PRELID2: variants seen among roughly 807,000 people sequenced by gnomAD.
PRELID2 encodes the protein PRELI domain containing 2, also known as PRELI domain-containing protein 2.
Under a neutral mutation model 28.4 loss-of-function variants are expected in PRELID2, and 25 were observed. That is an observed-to-expected ratio of 0.88 (90% CI 0.64 to 1.23). The LOEUF (loss-of-function observed/expected upper bound fraction) is 1.23. PRELID2 is among the 50% of genes most tolerant of loss of function. The probability of loss-of-function intolerance (pLI) is 0.00; values close to 1 mark genes in which losing one functional copy is unlikely to be tolerated. For missense variants in PRELID2, 201 were observed against 214.4 expected, an observed-to-expected ratio of 0.94 and a Z score of 0.39; for synonymous variants, 76 against 71.6, an observed-to-expected ratio of 1.06 and a Z score of -0.31.
chr5:145,380,397 A>C, the PRELID2 span, among the ~76,000 whole-genome samples: 99,027 of 151,956 alleles, frequency 0.65, 32,519 homozygotes, highest in East Asian at 0.89. Context: ...TTCTTATGGT[A>C]CCTTGATGGG....
chr5:145,395,686 T>C, the PRELID2 span, among the ~76,000 whole-genome samples: 1 of 152,164 alleles, frequency 6.6e-6, no homozygotes, highest in Non-Finnish European at 1.5e-5. Flanking sequence ...TCTCCACATT[T>C]GTTGTTATTT....
At chr5:145,230,192 G>T in the PRELID2 span, 18 of 386,890 alleles carry the variant, frequency 4.7e-5, no homozygotes, top group East Asian at 7.5e-4. Flanking sequence ...CCCCAGCTTT[G>T]TTCCGTGGTC....
At chr5:145,711,147 A>G (rs573595258) in intron 1 of PRELID2, among the ~76,000 whole-genome samples, 1 of 152,328 alleles carries the variant, frequency 6.6e-6, no homozygotes, top group South Asian at 2.1e-4. Flanking sequence ...TCCAACTACC[A>G]GTACACAATT....
intron 1 of PRELID2, among the ~76,000 whole-genome samples, chr5:145,600,434 A>AAAAAAATAT (rs1315631607): frequency 1.7e-5 from 2 of 120,116 alleles, no homozygotes; most frequent in African/African-American, 8.2e-5. Context: ...AAAAAAAAAA[A>AAAAAAATAT]ATATATATAT....
At chr5:145,229,629 C>T in the PRELID2 span, 2 of 997,428 alleles carry the variant, frequency 2.0e-6, no homozygotes, top group Non-Finnish European at 3.2e-6. Flanking sequence ...TCGTGGAGAA[C>T]ATCTTCACCA....
the PRELID2 span, among the ~76,000 whole-genome samples, chr5:145,238,819 C>T: frequency 6.6e-6 from 1 of 152,140 alleles, no homozygotes; most frequent in East Asian, 1.9e-4. Flanking sequence ...AAATGAAAGC[C>T]TACACAAAAC....
At chr5:145,555,988 G>A (rs1250057524) in intron 1 of PRELID2, among the ~76,000 whole-genome samples, 1 of 151,808 alleles carries the variant, frequency 6.6e-6, no homozygotes, top group East Asian at 1.9e-4. Flanking sequence ...GACTAGCCTG[G>A]GCAACACAGT....
At chr5:145,595,619 T>G (rs2149634023) in intron 1 of PRELID2, among the ~76,000 whole-genome samples, 1 of 152,044 alleles carries the variant, frequency 6.6e-6, no homozygotes, top group East Asian at 1.9e-4. Flanking sequence ...ATTAGAAAAA[T>G]AAAACTTCAG....
In PRELID2 at chr5:145,740,580, ATTAT is replaced by A. The variant is rs1177002261; in HGVS notation, n.70+24347_70+24350del. 2.8e-4 allele frequency among the ~76,000 whole-genome samples: 32 copies of A among 114,268 alleles called. 1 individual carries two copies. Among genetic ancestry groups the A allele is most frequent in the Non-Finnish European group, 4.5e-4 (27 of 60,310 alleles). 75.0% of individuals were successfully genotyped at this position (114,268 alleles called of 152,430 possible). On this transcript the variant is annotated intron_variant and non_coding_transcript_variant, in intron 1 of 2. Transcript: ENST00000510259. ...ATTCAAGTACCCATGAAATATATAT[ATTAT>A]ATATATAAATATATATATATTATAT... is the stretch of plus-strand genomic sequence containing the variant.
At chr5:145,570,350 T>TA (rs1753005522) in intron 1 of PRELID2, among the ~76,000 whole-genome samples, 1 of 152,182 alleles carries the variant, frequency 6.6e-6, no homozygotes, top group South Asian at 2.1e-4. Context: ...CACATGAACA[T>TA]ACTCCTATGG....
downstream of PRELID2, among the ~76,000 whole-genome samples, chr5:145,469,179 C>T (rs1237905035): frequency 6.6e-6 from 1 of 151,988 alleles, no homozygotes; most frequent in Non-Finnish European, 1.5e-5. Flanking sequence ...TCTCCTTCGC[C>T]CCTTAGACTT....
the PRELID2 span, among the ~76,000 whole-genome samples, chr5:145,408,684 T>C: frequency 6.6e-6 from 1 of 151,940 alleles, no homozygotes; most frequent in Non-Finnish European, 1.5e-5. Flanking sequence ...AAAGCAATTG[T>C]AAAAATGAAC....
the PRELID2 span, among the ~76,000 whole-genome samples, chr5:145,318,092 A>G: frequency 6.6e-6 from 1 of 152,252 alleles, no homozygotes. Context: ...TATTATCCTC[A>G]AATTTATAGT....
At chr5:145,328,596 T>C in the PRELID2 span, among the ~76,000 whole-genome samples, 1 of 152,192 alleles carries the variant, frequency 6.6e-6, no homozygotes, top group Non-Finnish European at 1.5e-5. Context: ...GAGAAGTGTC[T>C]GTTTATATCC....
chr5:145,705,094 C>T (rs1291105840), intron 1 of PRELID2, among the ~76,000 whole-genome samples: 1 of 152,128 alleles, frequency 6.6e-6, no homozygotes, highest in African/African-American at 2.4e-5. Flanking sequence ...ATGTCTAACT[C>T]ACTCGGAGGG....
chr5:145,487,195 A>G (rs1211268507), intron 1 of PRELID2, among the ~76,000 whole-genome samples: 1 of 150,878 alleles, frequency 6.6e-6, no homozygotes, highest in Non-Finnish European at 1.5e-5. Context: ...TACATATGTA[A>G]CTAACCTGCA....
chr5:145,666,037 T>C (rs191607123), intron 1 of PRELID2, among the ~76,000 whole-genome samples: 29 of 151,896 alleles, frequency 1.9e-4, no homozygotes, highest in Admixed American at 5.9e-4. Flanking sequence ...TATTCTCTTA[T>C]GTTAACAAAA....
chr5:145,322,163 AT>A, the PRELID2 span, among the ~76,000 whole-genome samples: 1 of 152,234 alleles, frequency 6.6e-6, no homozygotes, highest in South Asian at 2.1e-4. Context: ...AGGATCAAAA[AT>A]TATCTGAGAA....
the PRELID2 span, among the ~76,000 whole-genome samples, chr5:145,286,317 T>C: frequency 2.0e-5 from 3 of 152,334 alleles, no homozygotes; most frequent in Admixed American, 2.0e-4. Flanking sequence ...ATGCTTGTTA[T>C]ACTATCCTTT....
Sources: allele counts gnomAD v4.1 joint callset (sites outside exome capture counted in the v4.1 genomes callset), GRCh38; gene constraint gnomAD v4.1.1; transcripts MANE v1.5; gene names NCBI Gene and HGNC (gene_info 2026-07-23, HGNC 2026-07-21).